Variants in ARHGAP11A observed in about 807,000 individuals in gnomAD.
ARHGAP11A encodes Rho GTPase activating protein 11A.
ARHGAP11A carries 36 observed loss-of-function variants against 60.5 expected under a neutral mutation model. That is an observed-to-expected ratio of 0.59 (90% confidence interval 0.46 to 0.79). The LOEUF is 0.79. Ranked by LOEUF, ARHGAP11A falls within the 30% of genes least tolerant of loss-of-function variation. ARHGAP11A has a pLI of 0.00. For missense variants in ARHGAP11A, 1,071 were observed against 1,199.2 expected, an observed-to-expected ratio of 0.89 and a Z score of 1.58; for synonymous variants, 362 against 415.5, an observed-to-expected ratio of 0.87 and a Z score of 1.57.
chr15:32,619,100 G>A (rs996789036), intron 1 of ARHGAP11A, among the ~76,000 whole-genome samples: 6 of 152,144 alleles, frequency 3.9e-5, no homozygotes, highest in Non-Finnish European at 8.8e-5. Context: ...ACTGTGTTGC[G>A]TCATTGACAA....
chr15:32,618,369 G>A (rs536000688), intron 1 of ARHGAP11A, among the ~76,000 whole-genome samples: 1 of 152,312 alleles, frequency 6.6e-6, no homozygotes, highest in South Asian at 2.1e-4. Flanking sequence ...TGGTTTGGCT[G>A]CACAGTATCA....
In ARHGAP11A at chr15:32,637,043, A is replaced by T; in HGVS notation, c.2270A>T (p.Asp757Val). ...NLPKCAAHSK[D>V]EARSSFSQQS... Reference sequence around the variant, plus strand: ...CCGAAGTGTGCAGCACATAGCAAGGACGAGGCTAGATCCTCTTTCTCACAG... The same window carrying T: ...CCGAAGTGTGCAGCACATAGCAAGGTCGAGGCTAGATCCTCTTTCTCACAG... The change falls in exon 12 of 12, where the codon GAC becomes GTC. Residue 757 changes from aspartate to valine, a missense_variant. Coordinates refer to ENST00000361627, the MANE Select transcript of ARHGAP11A (RefSeq NM_014783.6). The T allele has an allele frequency of 1.2e-6, 2 of 1,613,998 alleles. No homozygotes were observed. Among genetic ancestry groups the T allele is most frequent in the Middle Eastern group, 1.6e-4 (1 of 6,062 alleles).
intron 3 of ARHGAP11A, 48 bp from the exon 4 acceptor site, chr15:32,624,125 T>C (rs762855442): frequency 2.4e-5 from 39 of 1,608,116 alleles, no homozygotes; most frequent in Non-Finnish European, 3.2e-5. Context: ...TTATTTGCAA[T>C]AAACTCTTAA....
chr15:32,635,725 T>C, intron 10 of ARHGAP11A, 52 bp from the exon 11 acceptor site: 1 of 1,277,152 alleles, frequency 7.8e-7, no homozygotes. Flanking sequence ...GTCTTTATAT[T>C]TTGAATTAAC....
chr15:32,636,563 T>C lies in ARHGAP11A; in HGVS notation c.1790T>C (p.Val597Ala), dbSNP rs771137664. 3.3e-5 allele frequency: 53 copies of C among 1,613,926 alleles called. No individual in the cohort carries two copies. The highest frequency in any genetic ancestry group is 4.1e-5 in the Non-Finnish European group (48 of 1,179,996). Residue 597 changes from valine (V) to alanine (A), a missense_variant, in exon 12 of 12, where the codon GTG (valine) becomes GCG (alanine). Around this residue, in one of 4 missense-constraint regions of ARHGAP11A, gnomAD observed 776 missense variants for 760.2 expected, o/e 1.02. Coordinates refer to ENST00000361627, the MANE Select transcript of ARHGAP11A (RefSeq NM_014783.6). ...DENNMTKETL[V>A]KVQKAFSESG... The stretch of plus-strand genomic sequence containing the variant: ...AATAACATGACCAAAGAGACTTTGG[T>C]GAAAGTTCAAAAAGCGTTTTCTGAA...
chr15:32,622,961 A>C (rs1442433611), intron 2 of ARHGAP11A, among the ~76,000 whole-genome samples: 1 of 151,814 alleles, frequency 6.6e-6, no homozygotes, highest in Non-Finnish European at 1.5e-5. Flanking sequence ...GAGAAGGAGC[A>C]GGCAGGGAGA....
At chr15:32,620,293 T>G (rs1243053182) in intron 2 of ARHGAP11A, 115 bp downstream of exon 2, 42 of 1,565,000 alleles carry the variant, frequency 2.7e-5, no homozygotes, top group Non-Finnish European at 3.4e-5. Context: ...AAGACCAGCC[T>G]GGGCAACATG....
chr15:32,622,013 C>G (rs1482270362), intron 2 of ARHGAP11A, among the ~76,000 whole-genome samples: 2 of 152,306 alleles, frequency 1.3e-5, no homozygotes, highest in African/African-American at 4.8e-5. Flanking sequence ...GACAGTTTCC[C>G]CCCATTCATC....
intron 2 of ARHGAP11A, among the ~76,000 whole-genome samples, chr15:32,620,470 TG>T (rs1184663087): frequency 6.6e-6 from 1 of 151,754 alleles, no homozygotes; most frequent in East Asian, 1.9e-4. Flanking sequence ...CATTTCAAAC[TG>T]GTTTTAGAGA....
chr15:32,631,125 T>A (rs974737756), intron 8 of ARHGAP11A, among the ~76,000 whole-genome samples: 7 of 152,198 alleles, frequency 4.6e-5, no homozygotes, highest in African/African-American at 1.7e-4. Flanking sequence ...TCGTATTATT[T>A]TTACACCACT....
In ARHGAP11A at chr15:32,639,599, A is replaced by G. The variant is rs1161545909; in HGVS notation, c.*1754A>G. 1.3e-5 allele frequency: 2 copies of G among 152,226 alleles called. No individual in the cohort carries two copies. The highest frequency in any genetic ancestry group is 4.8e-5 in the African/African-American group (2 of 41,468). 9.4% of individuals were successfully genotyped at this position (152,226 alleles called of 1,614,324 possible). A position where few individuals can be genotyped will look rare whatever the true frequency, so the allele number is the denominator to read the frequency against. ...TAAGAAGTCCTAGGGGTTTAACTGT[A>G]CATACTACCTGAACTGGCTTTTCTG... On this transcript the variant is annotated 3_prime_UTR_variant, in exon 12 of 12. Transcript: ENST00000361627.
At chr15:32,621,281 C>G (rs143898789) in intron 2 of ARHGAP11A, among the ~76,000 whole-genome samples, 91 of 147,116 alleles carry the variant, frequency 6.2e-4, no homozygotes, top group Non-Finnish European at 1.1e-3. Flanking sequence ...ACCTTCACCT[C>G]CTGGGTTCAA....
Position 32,625,589 on chromosome 15 carries a change from A to G in ARHGAP11A, c.818A>G (p.Glu273Gly), listed in dbSNP as rs1294201543. 6.2e-7 allele frequency: 1 copy of G among 1,613,952 alleles called. No individual in the cohort carries two copies. Among genetic ancestry groups the G allele is most frequent in the Admixed American group, 1.7e-5 (1 of 60,020 alleles). Residue 273 changes from glutamate to glycine, a missense_variant, in exon 6 of 12, where the codon GAA (glutamate) becomes GGA (glycine). This residue lies in a region of ARHGAP11A where 196 missense variants were observed against 272.1 expected (regional missense o/e 0.72). Coordinates refer to ENST00000361627, the MANE Select transcript of ARHGAP11A (RefSeq NM_014783.6). Reference protein sequence around the residue: ...SLEGFEEGEYETPGEYKRKRR... With the variant: ...SLEGFEEGEYGTPGEYKRKRR... ...GAAGGCTTTGAAGAAGGTGAATATG[A>G]AACTCCTGGTGAATATAAGAGAAAG... is the stretch of plus-strand genomic sequence containing the variant.
intron 8 of ARHGAP11A, among the ~76,000 whole-genome samples, chr15:32,631,956 T>G (rs1168016813): frequency 1.3e-5 from 2 of 152,224 alleles, no homozygotes; most frequent in African/African-American, 4.8e-5. Flanking sequence ...ATTACAGACG[T>G]GAGTCACGGT....
At position 32,636,882 on chromosome 15, in the gene ARHGAP11A, T is replaced by A. The variant is rs1011442846; in HGVS notation, c.2109T>A (p.Ile703=). ...TGAAGATGGAACATGAAAAAGACAT[T>A]CATTCAAATATGCCAAAAGATTATT... is the stretch of plus-strand genomic sequence containing the variant. ...TQMKMEHEKD[I]HSNMPKDYLS... is the part of the protein sequence containing the mutation. Residue 703 remains isoleucine, a synonymous_variant, in exon 12 of 12, where the codon ATT becomes ATA. Coordinates refer to ENST00000361627, the MANE Select transcript of ARHGAP11A (RefSeq NM_014783.6). The A allele has an allele frequency of 6.2e-7, 1 of 1,612,836 alleles. No individual in the cohort carries two copies. The highest frequency in any genetic ancestry group is 1.3e-5 in the African/African-American group (1 of 74,826).
rs142532812 is a variant in ARHGAP11A at position 32,629,079 on chromosome 15, C to T, written c.937+277C>T. Among the ~76,000 whole-genome samples the T allele has an allele frequency of 6.6e-3, 997 of 151,968 alleles. 7 individuals carry two copies. The highest frequency in any genetic ancestry group is 0.023 in the African/African-American group (958 of 41,436). On this transcript the variant is annotated intron_variant, in intron 7 of 11. Transcript: ENST00000361627. ...TGTTTGTAATTTAGATGCTATTAAG[C>T]GTGTGAAAATAGTTCAACCTCATTT...
At chr15:32,618,175 C>G (rs1010658354) in intron 1 of ARHGAP11A, among the ~76,000 whole-genome samples, 1 of 152,156 alleles carries the variant, frequency 6.6e-6, no homozygotes, top group South Asian at 2.1e-4. Flanking sequence ...CTTTAGCCGA[C>G]TGGTGTTTGT....
At chr15:32,618,198 G>A (rs1335709140) in intron 1 of ARHGAP11A, among the ~76,000 whole-genome samples, 2 of 152,158 alleles carry the variant, frequency 1.3e-5, no homozygotes, top group South Asian at 2.1e-4. Context: ...GCTAACTGTA[G>A]TTTTAAGTTT....
At chr15:32,635,646 A>G (rs1355914179) in intron 10 of ARHGAP11A, 131 bp from the exon 11 acceptor site, 22 of 557,924 alleles carry the variant, frequency 3.9e-5, no homozygotes, top group Non-Finnish European at 6.4e-5. Context: ...CATTGTTAAG[A>G]ATTGTTTCTC....
Sources: gnomAD v4.1 joint callset for allele counts (sites outside exome capture counted in the v4.1 genomes callset) on GRCh38, gnomAD v4.1.1 for gene constraint, gnomAD v4.1.1 regional missense constraint, MANE v1.5 for transcripts, NCBI Gene and HGNC (gene_info 2026-07-23, HGNC 2026-07-21) for gene names.